Variants in PDXK observed in about 807,000 individuals in gnomAD.
The protein encoded by PDXK is epididymis secretory sperm binding protein Li 1a.
A neutral mutation model predicts 43.2 loss-of-function variants in PDXK; 15 were observed. The observed-to-expected ratio is 0.35, with a 90% CI of 0.23 to 0.53. The LOEUF is 0.53. Ranked by LOEUF, PDXK falls within the 20% of genes least tolerant of loss-of-function variation. The pLI is 0.92. For synonymous variants in PDXK, 172 were observed against 165.4 expected (o/e 1.04, Z -0.31); for missense variants, 343 against 417.0 (o/e 0.82, Z 1.54).
chr21:43,719,633 G>A (rs2083189866), intron 1 of PDXK: 1 of 985,400 alleles, frequency 1.0e-6, no homozygotes, highest in Non-Finnish European at 1.2e-6. Context: ...GGGTAGGAGG[G>A]AGCCCTGTGC....
At chr21:43,752,664 G>A in intron 8 of PDXK, 35 bp downstream of exon 8, 1 of 1,273,122 alleles carries the variant, frequency 7.9e-7, no homozygotes, top group Non-Finnish European at 1.1e-6. Context: ...GGCCGCCTCT[G>A]CTCTTCCCAG....
At chr21:43,755,837 G>T (rs1476785398) in intron 10 of PDXK, 73 bp downstream of exon 10, 8 of 1,489,298 alleles carry the variant, frequency 5.4e-6, no homozygotes, top group South Asian at 1.1e-5. Flanking sequence ...GAGCTGGCAC[G>T]TGCTGGTTTT....
chr21:43,729,503 C>T (rs2147217813), intron 1 of PDXK, among the ~76,000 whole-genome samples: 1 of 152,298 alleles, frequency 6.6e-6, no homozygotes, highest in South Asian at 2.1e-4. Context: ...GACCCAGCAG[C>T]CAGGGGCATC....
rs372754988 is a variant in PDXK at position 43,752,616 on chromosome 21, G to T, written c.609G>T (p.Gly203=). Residue 203 remains glycine, a synonymous_variant, in exon 8 of 11, where the codon GGG becomes GGT. Transcript: ENST00000291565. ...PQGSNYLIVL[G]SQRRRNPAGS... Reference sequence around the variant, plus strand: ...GCAGCAACTACCTGATTGTGCTGGGGAGTCAGAGGAGGAGTAAGTGCCCCC... The same window carrying T: ...GCAGCAACTACCTGATTGTGCTGGGTAGTCAGAGGAGGAGTAAGTGCCCCC... 1.9e-6 allele frequency: 3 copies of T among 1,608,224 alleles called. No individual in the cohort carries two copies. The highest frequency in any genetic ancestry group is 1.7e-5 in the Admixed American group (1 of 59,990).
At position 43,727,273 on chromosome 21, in the gene PDXK, AG is replaced by A. The variant is rs1210224887; in HGVS notation, c.88-6793del. On this transcript the variant is annotated intron_variant, in intron 1 of 10. Coordinates refer to ENST00000291565, the MANE Select transcript of PDXK (RefSeq NM_003681.5). ...GAGTGACGCTGAGGAATAAGAACAG[AG>A]GGAACTTCTCAAGGAGAAAGGAAGA... 3.3e-5 allele frequency among the ~76,000 whole-genome samples: 5 copies of A among 152,332 alleles called. No individual in the cohort carries two copies. The East Asian group carries it at 9.6e-4, about 29-fold the overall frequency.
Position 43,732,254 on chromosome 21 carries a change from G to T in PDXK, c.88-1815G>T. 1 of 1,490,074 alleles carries T rather than the reference G, an allele frequency of 6.7e-7. No homozygotes were observed. The highest frequency in any genetic ancestry group is 2.4e-5 in the Admixed American group (1 of 41,928). 92.3% of individuals were successfully genotyped at this position (1,490,074 alleles called of 1,614,324 possible). ...CACAGAGCGCTGGCTTCCAGCTGAA[G>T]GACATGTGTAACAGCAGGAGATACC... On this transcript the variant is annotated intron_variant, in intron 1 of 10. Transcript: ENST00000291565. This position sits in a 1 kb window ranked among gnomAD's most constrained non-coding sequence, Gnocchi z 4.1.
At chr21:43,730,433 C>G (rs2083303717) in intron 1 of PDXK, among the ~76,000 whole-genome samples, 1 of 151,972 alleles carries the variant, frequency 6.6e-6, no homozygotes, top group Non-Finnish European at 1.5e-5. Context: ...GCCCTCATAT[C>G]TGATTTAGAG....
At chr21:43,752,660 C>A in intron 8 of PDXK, 31 bp downstream of exon 8, 1 of 1,307,980 alleles carries the variant, frequency 7.6e-7, no homozygotes, top group Non-Finnish European at 1.1e-6. Context: ...CCGTGGCCGC[C>A]TCTGCTCTTC....
intron 4 of PDXK, chr21:43,744,702 A>T (rs986277639): frequency 2.0e-5 from 3 of 152,280 alleles, no homozygotes; most frequent in African/African-American, 7.2e-5. Context: ...TGTGGAAAAC[A>T]CGTTGGTAGT....
rs931051638 is a variant in PDXK at position 43,744,196 on chromosome 21, T to C, written c.331+389T>C. Among the ~76,000 whole-genome samples the C allele has an allele frequency of 9.5e-5, 14 of 147,224 alleles. 2 individuals carry two copies. The highest frequency in any genetic ancestry group is 3.5e-4 in the African/African-American group (14 of 39,706). ...GGCTAGGGAGTGGGGGAGGGCAGGG[T>C]CATACCCAGGCAGGGCCAGGCTAGG... is the stretch of plus-strand genomic sequence containing the variant. On this transcript the variant is annotated intron_variant, in intron 4 of 10. Transcript: ENST00000291565.
intron 2 of PDXK, chr21:43,736,915 TGA>T (rs2083413060): frequency 2.9e-6 from 2 of 700,230 alleles, no homozygotes; most frequent in East Asian, 5.4e-5. Context: ...ATTACAGGTG[TGA>T]GACTCCACGC....
chr21:43,750,447 C>T lies in PDXK; in HGVS notation c.465-53C>T, dbSNP rs369906922. On this transcript the variant is annotated intron_variant, in intron 6 of 10. Transcript: ENST00000291565. ...GTTTGGGGAATGTCAACACACAACCCGGAGAGGAGAGGCTCACCTGTCCCC... is the reference window on the plus strand; with the variant it reads ...GTTTGGGGAATGTCAACACACAACCTGGAGAGGAGAGGCTCACCTGTCCCC... 362 of 1,505,412 alleles carry T rather than the reference C, an allele frequency of 2.4e-4. No individual in the cohort carries two copies. In the South Asian group the frequency reaches 3.6e-3, roughly 15 times the overall value. 93.3% of individuals were successfully genotyped at this position (1,505,412 alleles called of 1,614,324 possible). A position where few individuals can be genotyped will look rare whatever the true frequency, so the allele number is the denominator to read the frequency against.
chr21:43,753,484 AC>A, intron 8 of PDXK, 98 bp from the exon 9 acceptor site: 1 of 1,294,772 alleles, frequency 7.7e-7, no homozygotes, highest in South Asian at 1.4e-5. Flanking sequence ...TGCCCCTGTG[AC>A]CCTCCCTGCC....
At chr21:43,749,737 G>T (rs2083701547) in intron 6 of PDXK, among the ~76,000 whole-genome samples, 1 of 152,208 alleles carries the variant, frequency 6.6e-6, no homozygotes, top group Non-Finnish European at 1.5e-5. Flanking sequence ...GCGACCTGGG[G>T]AGCTGTGGGC....
rs1231669500 is a variant in PDXK, at chr21:43,735,120, C to T, written c.142+997C>T. ...GCAGATGGACAAGCTCCAGCTCTCGCTGAAACCCTTTCCTGCCTTTGCTTG... is the reference window on the plus strand; with the variant it reads ...GCAGATGGACAAGCTCCAGCTCTCGTTGAAACCCTTTCCTGCCTTTGCTTG... On this transcript the variant is annotated intron_variant, in intron 2 of 10. Coordinates refer to ENST00000291565, the MANE Select transcript of PDXK (RefSeq NM_003681.5). The surrounding 1 kb of genome is among the most constrained non-coding windows in gnomAD (Gnocchi z 5.3). Among the ~76,000 whole-genome samples, 1 of 152,252 alleles carries T rather than the reference C, an allele frequency of 6.6e-6. No homozygotes were observed. Among genetic ancestry groups the T allele is most frequent in the Non-Finnish European group, 1.5e-5 (1 of 68,042 alleles).
Position 43,755,625 on chromosome 21 carries a change from C to T in PDXK, c.760-73C>T, listed in dbSNP as rs919931112. On this transcript the variant is annotated intron_variant, in intron 9 of 10. Transcript: ENST00000291565. ...ACGGCCCTTGTGTTCCCTGGAAATC[C>T]CCTCCTGGCAGCAGTGGGCACGTCG... is the stretch of plus-strand genomic sequence containing the variant. 4.8e-6 allele frequency: 6 copies of T among 1,260,096 alleles called. No individual in the cohort carries two copies. The Admixed American group carries it at 6.7e-5, about 14-fold the overall frequency. 78.1% of individuals were successfully genotyped at this position (1,260,096 alleles called of 1,614,324 possible). A position where few individuals can be genotyped will look rare whatever the true frequency, so the allele number is the denominator to read the frequency against.
At chr21:43,755,639 G>A in intron 9 of PDXK, 59 bp from the exon 10 acceptor site, 1 of 1,359,370 alleles carries the variant, frequency 7.4e-7, no homozygotes, top group Non-Finnish European at 1.1e-6. Flanking sequence ...CCTGGCAGCA[G>A]TGGGCACGTC....
intron 3 of PDXK, among the ~76,000 whole-genome samples, chr21:43,742,686 G>A (rs2083558237): frequency 6.6e-6 from 1 of 152,086 alleles, no homozygotes; most frequent in Non-Finnish European, 1.5e-5. Flanking sequence ...AAACCAGCCT[G>A]AGCGGCATAG....
In PDXK at chr21:43,757,556, G is replaced by T. The variant is rs75857224; in HGVS notation, c.*1493G>T. The stretch of plus-strand genomic sequence containing the variant: ...AGAAAGACTCGCTTGCCAGGAGTGC[G>T]TTCTTTGTTGAAAAATGCCCTGAAG... On this transcript the variant is annotated 3_prime_UTR_variant, in exon 11 of 11. Transcript: ENST00000291565. The T allele has an allele frequency of 6.6e-6, 1 of 152,214 alleles. No homozygotes were observed. The highest frequency in any genetic ancestry group is 2.4e-5 in the African/African-American group (1 of 41,428). 9.4% of individuals were successfully genotyped at this position (152,214 alleles called of 1,614,324 possible).
Sources: allele counts gnomAD v4.1 joint callset (sites outside exome capture counted in the v4.1 genomes callset), GRCh38; gene constraint gnomAD v4.1.1; non-coding constraint Gnocchi (gnomAD v3.1); transcripts MANE v1.5; gene names NCBI Gene and HGNC (gene_info 2026-07-23, HGNC 2026-07-21).